NPTN: variants seen among roughly 807,000 people sequenced by gnomAD.
The protein encoded by NPTN is neuroplastin.
Under a neutral mutation model 42.7 loss-of-function variants are expected in NPTN, and 5 were observed. The observed-to-expected ratio is 0.12, with a 90% confidence interval of 0.06 to 0.25. The LOEUF is 0.25. Among genes scored for constraint, NPTN ranks in the 10% least tolerant of loss-of-function variants. The pLI is 1.00. For synonymous variants in NPTN, 180 were observed against 201.9 expected, an observed-to-expected ratio of 0.89 and a Z score of 0.92; for missense variants, 307 against 525.4, an observed-to-expected ratio of 0.58 and a Z score of 4.06.
chr15:73,567,184 T>C, intron 6 of NPTN: 1 of 985,076 alleles, frequency 1.0e-6, no homozygotes, highest in Non-Finnish European at 1.2e-6. Context: ...AGGGGATGAG[T>C]TACCAAGAAC....
intron 1 of NPTN, among the ~76,000 whole-genome samples, chr15:73,620,151 T>C (rs987361968): frequency 2.6e-5 from 4 of 152,256 alleles, no homozygotes; most frequent in Non-Finnish European, 5.9e-5. Context: ...AATCCAACTT[T>C]CAGTGTTTTC....
At chr15:73,631,985 T>G (rs1898771299) in intron 1 of NPTN, among the ~76,000 whole-genome samples, 1 of 152,178 alleles carries the variant, frequency 6.6e-6, no homozygotes, top group Non-Finnish European at 1.5e-5. Flanking sequence ...CAGGGGCCAC[T>G]TTCATGTTCC....
At chr15:73,604,844 G>A (rs1438450290) in intron 1 of NPTN, among the ~76,000 whole-genome samples, 1 of 152,144 alleles carries the variant, frequency 6.6e-6, no homozygotes, top group Non-Finnish European at 1.5e-5. Context: ...AATGATCTAA[G>A]GCCAGGCGCA....
chr15:73,603,312 C>T (rs1897151362), intron 1 of NPTN, among the ~76,000 whole-genome samples: 1 of 152,230 alleles, frequency 6.6e-6, no homozygotes, highest in Non-Finnish European at 1.5e-5. Flanking sequence ...CAGCAGCCTG[C>T]AGCACTGCTC....
chr15:73,599,038 G>A (rs1422205399), intron 1 of NPTN, among the ~76,000 whole-genome samples: 4 of 152,178 alleles, frequency 2.6e-5, no homozygotes, highest in African/African-American at 9.7e-5. Flanking sequence ...GTGATTAACA[G>A]GCTTAGACTA....
intron 2 of NPTN, among the ~76,000 whole-genome samples, chr15:73,595,473 A>G (rs2141406933): frequency 6.6e-6 from 1 of 152,322 alleles, no homozygotes; most frequent in South Asian, 2.1e-4. Context: ...ACTGCCCTAC[A>G]AAGGACTCTT....
At chr15:73,622,499 T>TA (rs751330130) in intron 1 of NPTN, among the ~76,000 whole-genome samples, 2,089 of 123,646 alleles carry the variant, frequency 0.017, 18 homozygotes, top group African/African-American at 0.035. Flanking sequence ...AGAATTGTTT[T>TA]AAAAAAAAAA....
chr15:73,568,479 A>G (rs1895170804), intron 6 of NPTN: 1 of 985,304 alleles, frequency 1.0e-6, no homozygotes, highest in African/African-American at 1.7e-5. Flanking sequence ...GATCCCACAG[A>G]GCCAAAGCTG....
At chr15:73,605,878 A>T (rs1421137668) in intron 1 of NPTN, among the ~76,000 whole-genome samples, 1 of 151,958 alleles carries the variant, frequency 6.6e-6, no homozygotes, top group Non-Finnish European at 1.5e-5. Flanking sequence ...ACAGATTGAA[A>T]GCTCTGCCTG....
intron 1 of NPTN, among the ~76,000 whole-genome samples, chr15:73,632,315 A>C (rs1898793670): frequency 7.7e-6 from 1 of 130,322 alleles, no homozygotes; most frequent in African/African-American, 3.0e-5. Context: ...ATATTCCCCC[A>C]CCTCAGTTCC....
At chr15:73,600,397 T>C (rs551107407) in intron 1 of NPTN, among the ~76,000 whole-genome samples, 1 of 152,362 alleles carries the variant, frequency 6.6e-6, no homozygotes, top group South Asian at 2.1e-4. Flanking sequence ...TAAGTATGCA[T>C]TATATGTTTA....
intron 4 of NPTN, among the ~76,000 whole-genome samples, chr15:73,574,007 A>C (rs1260457284): frequency 2.6e-5 from 4 of 152,238 alleles, no homozygotes; most frequent in Admixed American, 2.6e-4. Context: ...GCCCAGGCAG[A>C]TACCAGGGTT....
rs535803157 is a variant in NPTN at position 73,597,849 on chromosome 15, G to A, written c.92-480C>T. Among the ~76,000 whole-genome samples, 2 of 152,332 alleles carry A rather than the reference G, an allele frequency of 1.3e-5. No homozygotes were observed. Among genetic ancestry groups the A allele is most frequent in the South Asian group, 4.1e-4 (2 of 4,820 alleles). ...GCAAACGCTTTGTTAGAAATGCAGT[G>A]TCTTTTGCAAGCCTCAACAAGAAGT... On this transcript the variant is annotated intron_variant, in intron 1 of 8. Coordinates refer to ENST00000345330, the MANE Select transcript of NPTN (RefSeq NM_012428.4). The surrounding 1 kb of genome is among the most constrained non-coding windows in gnomAD (Gnocchi z 6.3).
At chr15:73,580,510 A>T (rs895866903) in intron 4 of NPTN, among the ~76,000 whole-genome samples, 7 of 131,114 alleles carry the variant, frequency 5.3e-5, no homozygotes, top group Non-Finnish European at 9.3e-5. Flanking sequence ...TATATATATT[A>T]TATATAATAT....
chr15:73,630,913 C>T (rs1253620794), intron 1 of NPTN, among the ~76,000 whole-genome samples: 1 of 152,178 alleles, frequency 6.6e-6, no homozygotes, highest in African/African-American at 2.4e-5. Flanking sequence ...GGAACTCAAA[C>T]TCAAAAATAG....
chr15:73,604,148 C>G (rs1336072134), intron 1 of NPTN, among the ~76,000 whole-genome samples: 1 of 151,328 alleles, frequency 6.6e-6, no homozygotes, highest in African/African-American at 2.4e-5. Context: ...AAGTCAATGA[C>G]AAAAAAGAAA....
In NPTN at chr15:73,570,274, G is replaced by A; in HGVS notation, c.990C>T (p.Val330=). 6.2e-7 allele frequency: 1 copy of A among 1,614,242 alleles called. No individual in the cohort carries two copies. The change falls in exon 6 of 9, where the codon GTC becomes GTT. Residue 330 remains valine (V), a synonymous_variant. Transcript: ENST00000345330. The surrounding 1 kb of genome is among the most constrained non-coding windows in gnomAD (Gnocchi z 4.0). ...GGGCCAGGTGGCTCCGCACCCTGAG[G>A]ACAGTGACAACAGAGGCGGAGCCAA... is the stretch of plus-strand genomic sequence containing the variant. ...NAIGSASVVT[V]LRVRSHLAPL...
chr15:73,603,461 G>C (rs1897158286), intron 1 of NPTN, among the ~76,000 whole-genome samples: 1 of 152,140 alleles, frequency 6.6e-6, no homozygotes, highest in Non-Finnish European at 1.5e-5. Context: ...CTGCAGAAGG[G>C]AATGAAAAAG....
chr15:73,568,843 T>C, intron 6 of NPTN: 1 of 985,516 alleles, frequency 1.0e-6, no homozygotes, highest in Middle Eastern at 5.2e-4. Flanking sequence ...CTCACTCTAC[T>C]TACTGCAGGC....
Sources: allele counts gnomAD v4.1 joint callset (sites outside exome capture counted in the v4.1 genomes callset), GRCh38; gene constraint gnomAD v4.1.1; non-coding constraint Gnocchi (gnomAD v3.1); transcripts MANE v1.5; gene names NCBI Gene and HGNC (gene_info 2026-07-23, HGNC 2026-07-21).